Variants in MYO7A observed in about 807,000 individuals in gnomAD.
MYO7A encodes unconventional myosin-VIIa.
A neutral mutation model predicts 263.8 loss-of-function variants in MYO7A; 210 were observed. That is an observed-to-expected ratio of 0.80 (90% CI 0.71 to 0.89). The LOEUF (loss-of-function observed/expected upper bound fraction) is 0.89. Among genes scored for constraint, MYO7A ranks in the 40% least tolerant of loss-of-function variants. The pLI, the probability that MYO7A is intolerant of heterozygous loss-of-function variation, is 0.00. For missense variants in MYO7A, 2,820 were observed against 2,968.3 expected (o/e 0.95, Z 1.16); for synonymous variants, 1,239 against 1,197.3 (o/e 1.03, Z -0.72).
chr11:77,211,335 CGGGTGAGCATG>C lies in MYO7A; in HGVS notation c.6237+4_6237+14del. The C allele has an allele frequency of 6.3e-7, 1 of 1,577,284 alleles. No individual in the cohort carries two copies. Among genetic ancestry groups the C allele is most frequent in the South Asian group, 1.2e-5 (1 of 85,786 alleles). ...GCAGGTCTCACCTGATGACTGGAAG[CGGGTGAGCATG>C]GGGTGGGCATCGGGAATGGTGGGGC... On this transcript the variant is annotated splice_donor_variant and splice_donor_5th_base_variant and coding_sequence_variant and intron_variant, in exon 45 of 49. Coordinates refer to ENST00000409709, the MANE Select transcript of MYO7A (RefSeq NM_000260.4). LOFTEE classifies it high-confidence loss of function.
At chr11:77,164,714 T>C (rs935193562) in intron 14 of MYO7A, among the ~76,000 whole-genome samples, 29 of 152,266 alleles carry the variant, frequency 1.9e-4, no homozygotes, top group Admixed American at 7.2e-4. Flanking sequence ...TAGCATCTAT[T>C]ATGTACCAGG....
chr11:77,172,911 C>T (rs782157998), intron 16 of MYO7A, 26 bp downstream of exon 16: 54 of 1,536,174 alleles, frequency 3.5e-5, no homozygotes, highest in Middle Eastern at 1.7e-4. Flanking sequence ...CTGGGGTTGG[C>T]GGGTGGCGGC....
At chr11:77,140,052 A>T (rs1024367882) in intron 2 of MYO7A, among the ~76,000 whole-genome samples, 2 of 152,204 alleles carry the variant, frequency 1.3e-5, no homozygotes, top group Non-Finnish European at 2.9e-5. Flanking sequence ...GAAGAGTTGT[A>T]GTCATGTCTG....
intron 2 of MYO7A, among the ~76,000 whole-genome samples, chr11:77,133,604 T>C (rs1445465790): frequency 3.9e-5 from 6 of 152,268 alleles, no homozygotes; most frequent in African/African-American, 1.4e-4. Context: ...ATTTGTGTCT[T>C]TGGATCTAAA....
At chr11:77,163,775 A>G (rs1555070712) in intron 14 of MYO7A, among the ~76,000 whole-genome samples, 1 of 152,042 alleles carries the variant, frequency 6.6e-6, no homozygotes, top group Non-Finnish European at 1.5e-5. Context: ...TTATGGCTGA[A>G]TAGTATTTCG....
rs1235613626 is a variant in MYO7A, at chr11:77,194,528, G to C, written c.4323+4G>C. The C allele has an allele frequency of 1.9e-6, 3 of 1,588,896 alleles. No homozygotes were observed. Among genetic ancestry groups the C allele is most frequent in the Non-Finnish European group, 2.6e-6 (3 of 1,168,210 alleles). On this transcript the variant is annotated splice_donor_region_variant and intron_variant, in intron 32 of 48. Coordinates refer to ENST00000409709, the MANE Select transcript of MYO7A (RefSeq NM_000260.4). The stretch of plus-strand genomic sequence containing the variant: ...GGCCATCGCCGCCCACAAGAAGGTA[G>C]AAGGGCTGAGAGGAGTCCTAGAGAA...
intron 17 of MYO7A, 43 bp from the exon 18 acceptor site, chr11:77,175,329 G>A (rs782295961): frequency 5.0e-6 from 8 of 1,587,324 alleles, no homozygotes; most frequent in African/African-American, 1.3e-5. Context: ...CCTTCCCACT[G>A]GAGAGGCTGT....
intron 12 of MYO7A, 25 bp downstream of exon 12, chr11:77,161,140 G>A (rs782418730): frequency 1.2e-6 from 2 of 1,611,860 alleles, no homozygotes; most frequent in Middle Eastern, 1.7e-4. Flanking sequence ...TCTGCTCATG[G>A]GAATTTCCTT....
At chr11:77,134,258 A>G (rs1364175996) in intron 2 of MYO7A, among the ~76,000 whole-genome samples, 8 of 152,194 alleles carry the variant, frequency 5.3e-5, no homozygotes, top group South Asian at 2.1e-4. Flanking sequence ...ATCTGCATCA[A>G]TATAGTTTAA....
rs1565438963 is a variant in MYO7A, at chr11:77,192,036, CCT to C, written c.3925-12_3925-11del. 5 of 1,607,260 alleles carry C rather than the reference CCT, an allele frequency of 3.1e-6. No homozygotes were observed. The highest frequency in any genetic ancestry group is 4.3e-6 in the Non-Finnish European group (5 of 1,176,178). Reference sequence around the variant, plus strand: ...CCTGACTCTGTGCCTGCTCCCCTCCCCTCTGTGCCCACAGGTGTCCTCCCTGG... The same window carrying C: ...CCTGACTCTGTGCCTGCTCCCCTCCCCTGTGCCCACAGGTGTCCTCCCTGG... On this transcript the variant is annotated splice_polypyrimidine_tract_variant and intron_variant, in intron 30 of 48. Coordinates refer to ENST00000409709, the MANE Select transcript of MYO7A (RefSeq NM_000260.4).
intron 41 of MYO7A, 124 bp downstream of exon 41, chr11:77,206,326 C>G (rs1027557027): frequency 2.8e-6 from 2 of 721,492 alleles, no homozygotes; most frequent in Non-Finnish European, 4.5e-6. Context: ...TCCTCCTGCC[C>G]CGTAGTGGAG....
rs1042270840 is a variant in MYO7A at position 77,198,753 on chromosome 11, G to T, written c.4568+132G>T. 6 of 1,365,240 alleles carry T rather than the reference G, an allele frequency of 4.4e-6. No individual in the cohort carries two copies. In the African/African-American group the frequency reaches 8.6e-5, roughly 20 times the overall value. 84.6% of individuals were successfully genotyped at this position (1,365,240 alleles called of 1,614,324 possible). A position where few individuals can be genotyped will look rare whatever the true frequency, so the allele number is the denominator to read the frequency against. ...TGCACGTGATTGGGCAGTTTGTGCCGCACTGTGCAGACCCCTCTGGCACCT... is the reference window on the plus strand; with the variant it reads ...TGCACGTGATTGGGCAGTTTGTGCCTCACTGTGCAGACCCCTCTGGCACCT... On this transcript the variant is annotated intron_variant, in intron 34 of 48. Coordinates refer to ENST00000409709, the MANE Select transcript of MYO7A (RefSeq NM_000260.4).
At chr11:77,195,526 G>A (rs1293371953) in intron 32 of MYO7A, among the ~76,000 whole-genome samples, 6 of 152,224 alleles carry the variant, frequency 3.9e-5, no homozygotes, top group East Asian at 1.9e-4. Flanking sequence ...GTGGCATATG[G>A]TACGTCCTGG....
chr11:77,143,600 C>G (rs1442623990), intron 3 of MYO7A, among the ~76,000 whole-genome samples: 1 of 152,172 alleles, frequency 6.6e-6, no homozygotes, highest in Admixed American at 6.5e-5. Flanking sequence ...TCTGAGCATG[C>G]GTGCACATGT....
At chr11:77,214,023 C>G (rs1266124741) in intron 48 of MYO7A, 44 bp downstream of exon 48, 1 of 1,612,140 alleles carries the variant, frequency 6.2e-7, no homozygotes, top group Non-Finnish European at 8.5e-7. Context: ...CCTGCCTTGC[C>G]TGCAGCGTAG....
intron 34 of MYO7A, 77 bp downstream of exon 34, chr11:77,198,698 A>G: frequency 5.0e-6 from 8 of 1,592,112 alleles, no homozygotes; most frequent in Non-Finnish European, 6.8e-6. Flanking sequence ...GGTCACAGGA[A>G]GTGAAGAGGC....
chr11:77,162,507 G>A (rs1203921224), intron 13 of MYO7A, among the ~76,000 whole-genome samples, 177 bp downstream of exon 13: 3 of 152,286 alleles, frequency 2.0e-5, no homozygotes, highest in Middle Eastern at 3.4e-3. Context: ...TACAGTCCAT[G>A]GGGTTCTGGG....
In MYO7A at chr11:77,201,168, G is replaced by A. The variant is rs542561353; in HGVS notation, c.4853-280G>A. 1.7e-4 allele frequency among the ~76,000 whole-genome samples: 26 copies of A among 152,352 alleles called. No homozygotes were observed. The South Asian group carries it at 4.8e-3, about 28-fold the overall frequency. On this transcript the variant is annotated intron_variant, in intron 35 of 48. Transcript: ENST00000409709. Reference sequence around the variant, plus strand: ...CTTGGTTTGGCTGGGAACAGGCACAGTGAGGGAGGAGAGGCGAGGTGGAAG... The same window carrying A: ...CTTGGTTTGGCTGGGAACAGGCACAATGAGGGAGGAGAGGCGAGGTGGAAG...
intron 32 of MYO7A, 71 bp downstream of exon 32, chr11:77,194,595 C>A (rs947837227): frequency 1.4e-6 from 2 of 1,460,302 alleles, no homozygotes; most frequent in Non-Finnish European, 1.8e-6. Flanking sequence ...CAGGCCTCAT[C>A]TGAACCTCTC....
Sources: allele counts gnomAD v4.1 joint callset (sites outside exome capture counted in the v4.1 genomes callset), GRCh38; gene constraint gnomAD v4.1.1; transcripts MANE v1.5; gene names NCBI Gene and HGNC (gene_info 2026-07-23, HGNC 2026-07-21).